Variants in GPD1L observed in about 807,000 individuals in gnomAD.
GPD1L encodes the protein glycerol-3-phosphate dehydrogenase 1 like, also known as glycerol-3-phosphate dehydrogenase 1-like protein.
A neutral mutation model predicts 32.9 loss-of-function variants in GPD1L; 17 were observed. The ratio of observed to expected loss-of-function variants is 0.52; its 90% confidence interval spans 0.35 to 0.78. The LOEUF (loss-of-function observed/expected upper bound fraction) is 0.78. Among genes scored for constraint, GPD1L ranks in the 30% least tolerant of loss-of-function variants. GPD1L has a pLI of 0.01. For synonymous variants in GPD1L, 187 were observed against 165.9 expected (o/e 1.13, Z -0.98); for missense variants, 361 against 447.8 (o/e 0.81, Z 1.75).
In GPD1L at chr3:32,106,977, A is replaced by C. The variant is rs1700173895; in HGVS notation, c.47+219A>C. ...CTGGGCTCGCGTGCGTGCGGGGGAC[A>C]GCGCGGAGAGAGGGCACCCCGAGCA... is the stretch of plus-strand genomic sequence containing the variant. On this transcript the variant is annotated intron_variant, in intron 1 of 7. Coordinates refer to ENST00000282541, the MANE Select transcript of GPD1L (RefSeq NM_015141.4). This position sits in a 1 kb window ranked among gnomAD's most constrained non-coding sequence, Gnocchi z 4.0. 6.6e-6 allele frequency among the ~76,000 whole-genome samples: 1 copy of C among 152,132 alleles called. No homozygotes were observed. Among genetic ancestry groups the C allele is most frequent in the African/African-American group, 2.4e-5 (1 of 41,458 alleles).
chr3:32,115,563 T>A (rs1037028076), intron 1 of GPD1L, among the ~76,000 whole-genome samples: 4 of 152,076 alleles, frequency 2.6e-5, no homozygotes, highest in African/African-American at 9.7e-5. Flanking sequence ...GTGGTTTGCA[T>A]GGGTTATAGG....
At chr3:32,107,571 T>C (rs927528295) in intron 1 of GPD1L, among the ~76,000 whole-genome samples, 6 of 152,232 alleles carry the variant, frequency 3.9e-5, no homozygotes, top group Admixed American at 1.3e-4. Flanking sequence ...TTTTCATTGC[T>C]GTACACTCTG....
chr3:32,127,447 G>A (rs898266217), intron 1 of GPD1L, among the ~76,000 whole-genome samples: 17 of 152,222 alleles, frequency 1.1e-4, no homozygotes, highest in Non-Finnish European at 1.5e-5. Flanking sequence ...GAGGACAGAT[G>A]TTAACAAATC....
chr3:32,121,715 ATATATTTCTATATATATATTTC>A (rs1575109299), intron 1 of GPD1L, among the ~76,000 whole-genome samples: 1 of 122,796 alleles, frequency 8.1e-6, no homozygotes, highest in East Asian at 3.9e-4. Flanking sequence ...ATATTTCTAC[ATATATTTCTATATATATATTTC>A]TATATATATA....
intron 1 of GPD1L, among the ~76,000 whole-genome samples, chr3:32,123,839 T>TAGATAGATAGAC (rs58722314): frequency 0.11 from 14,513 of 133,942 alleles, 1,008 homozygotes; most frequent in Non-Finnish European, 0.15. Flanking sequence ...GATAGATAGA[T>TAGATAGATAGAC]AGACAGACAG....
chr3:32,159,445 G>A, intron 6 of GPD1L, 123 bp from the exon 7 acceptor site: 2 of 702,016 alleles, frequency 2.8e-6, no homozygotes, highest in Non-Finnish European at 2.4e-6. Context: ...AGCCTGCACA[G>A]CATAGCAAGA....
chr3:32,165,887 C>T lies in GPD1L; in HGVS notation c.1033C>T (p.Gln345Ter), dbSNP rs1559585737. The T allele has an allele frequency of 6.3e-7, 1 of 1,587,064 alleles. No homozygotes were observed. The highest frequency in any genetic ancestry group is 8.7e-7 in the Non-Finnish European group (1 of 1,155,338). Residue 345 changes from glutamine (Q) to a stop codon, truncating the protein, a stop_gained, in exon 8 of 8, where the codon CAG (glutamine) becomes TAG (stop). Coordinates refer to ENST00000282541, the MANE Select transcript of GPD1L (RefSeq NM_015141.4). LOFTEE classifies it high-confidence loss of function. ...RPVQEMLSCLQSHPEHT is the reference protein window; with the variant it reads ...RPVQEMLSCL The stretch of plus-strand genomic sequence containing the variant: ...AGTTCAAGAGATGTTGTCTTGTCTT[C>T]AGAGCCATCCAGAGCATACATAAAG...
chr3:32,156,470 A>G (rs762520801), intron 5 of GPD1L, among the ~76,000 whole-genome samples: 1 of 152,226 alleles, frequency 6.6e-6, no homozygotes, highest in African/African-American at 2.4e-5. Context: ...TTGCTCAGGA[A>G]GAGAAGACAC....
chr3:32,117,856 A>G (rs561325256), intron 1 of GPD1L, among the ~76,000 whole-genome samples: 2 of 152,216 alleles, frequency 1.3e-5, no homozygotes, highest in South Asian at 4.2e-4. Flanking sequence ...CCTGCTACCT[A>G]TGTCTTTGAT....
chr3:32,126,569 G>A (rs1312659090), intron 1 of GPD1L, among the ~76,000 whole-genome samples: 2 of 152,358 alleles, frequency 1.3e-5, no homozygotes, highest in African/African-American at 4.8e-5. Context: ...AAAGGTGGTA[G>A]TGATGGTGGG....
At chr3:32,163,650 G>T (rs1320773854) in intron 7 of GPD1L, among the ~76,000 whole-genome samples, 1 of 152,114 alleles carries the variant, frequency 6.6e-6, no homozygotes, top group Non-Finnish European at 1.5e-5. Flanking sequence ...CAAAACTGTG[G>T]TTCAATTTAC....
chr3:32,155,025 GCC>G (rs1461740568), intron 5 of GPD1L, among the ~76,000 whole-genome samples: 6 of 152,126 alleles, frequency 3.9e-5, no homozygotes, highest in South Asian at 2.1e-4. Context: ...CTAGGATTAT[GCC>G]CAACCTAAGC....
chr3:32,164,760 C>T (rs114809192), intron 7 of GPD1L, among the ~76,000 whole-genome samples: 1,922 of 151,466 alleles, frequency 0.013, 45 homozygotes, highest in African/African-American at 0.043. Context: ...AACCCTACAA[C>T]GATAGACTCT....
At chr3:32,131,088 C>G (rs1030279766) in intron 2 of GPD1L, among the ~76,000 whole-genome samples, 1 of 151,986 alleles carries the variant, frequency 6.6e-6, no homozygotes, top group East Asian at 1.9e-4. Flanking sequence ...AATGGTTGAT[C>G]CTGTTTTCTA....
chr3:32,142,543 C>A (rs903649820), intron 4 of GPD1L, among the ~76,000 whole-genome samples: 4 of 152,044 alleles, frequency 2.6e-5, no homozygotes, highest in African/African-American at 4.8e-5. Context: ...ACAGTAAATT[C>A]TTTTATTTAT....
intron 5 of GPD1L, among the ~76,000 whole-genome samples, chr3:32,156,740 A>G (rs1700996554): frequency 6.6e-6 from 1 of 152,180 alleles, no homozygotes; most frequent in Admixed American, 6.5e-5. Flanking sequence ...GATGTGTTTT[A>G]TCAAAAACTG....
intron 5 of GPD1L, among the ~76,000 whole-genome samples, chr3:32,150,150 G>A (rs993386934): frequency 3.9e-5 from 6 of 152,094 alleles, no homozygotes; most frequent in Non-Finnish European, 7.4e-5. Context: ...CAGCTGATCT[G>A]CTTTTATATG....
At chr3:32,151,130 C>G (rs1250934569) in intron 5 of GPD1L, 1 of 518,014 alleles carries the variant, frequency 1.9e-6, no homozygotes, top group Non-Finnish European at 3.8e-6. Flanking sequence ...CAGGCTCCTT[C>G]CCACTGGTTC....
rs1460422132 is a variant in GPD1L at position 32,131,135 on chromosome 3, G to T, written c.225+2882G>T. On this transcript the variant is annotated intron_variant, in intron 2 of 7. Coordinates refer to ENST00000282541, the MANE Select transcript of GPD1L (RefSeq NM_015141.4). ...AGAGCCTGTGTTTGGAGCTCATCAA[G>T]GTAGAGGATTCTTTTGCTTCCCTGT... Among the ~76,000 whole-genome samples, 3 of 152,150 alleles carry T rather than the reference G, an allele frequency of 2.0e-5. No homozygotes were observed. The East Asian group carries it at 5.8e-4, about 29-fold the overall frequency.
Sources: allele counts gnomAD v4.1 joint callset (sites outside exome capture counted in the v4.1 genomes callset), GRCh38; gene constraint gnomAD v4.1.1; non-coding constraint Gnocchi (gnomAD v3.1); transcripts MANE v1.5; gene names NCBI Gene and HGNC (gene_info 2026-07-23, HGNC 2026-07-21).